The following ENOX1 variants were observed in gnomAD, a reference collection of about 807,000 sequenced individuals.
ENOX1 encodes the protein candidate growth-related and time keeping constitutive hydroquinone (NADH) oxidase.
ENOX1 carries 42 observed loss-of-function variants against 82.5 expected under a neutral mutation model. That is an observed-to-expected ratio of 0.51 (90% CI 0.40 to 0.66). The LOEUF is 0.66. Ranked by LOEUF, ENOX1 falls within the 30% of genes least tolerant of loss-of-function variation. The pLI is 0.00. For missense variants in ENOX1, 608 were observed against 811.6 expected, an observed-to-expected ratio of 0.75 and a Z score of 3.05; for synonymous variants, 271 against 282.2, an observed-to-expected ratio of 0.96 and a Z score of 0.40.
intron 2 of ENOX1, among the ~76,000 whole-genome samples, chr13:43,556,723 T>C (rs1306401319): frequency 2.8e-5 from 4 of 142,864 alleles, no homozygotes; most frequent in Non-Finnish European, 6.0e-5. Flanking sequence ...GGTTCTATTC[T>C]CAAAAAAAAA....
chr13:43,245,555 C>T (rs1257089648), intron 14 of ENOX1, among the ~76,000 whole-genome samples: 2 of 152,128 alleles, frequency 1.3e-5, no homozygotes, highest in Non-Finnish European at 2.9e-5. Context: ...ATGCATCCAT[C>T]CCCCAATAGT....
At chr13:43,226,768 T>C (rs2042044586) in intron 15 of ENOX1, among the ~76,000 whole-genome samples, 2 of 152,046 alleles carry the variant, frequency 1.3e-5, no homozygotes, top group Admixed American at 1.3e-4. Context: ...TTTCTCCTCC[T>C]CCCCTGCAGG....
At chr13:43,720,452 GC>G (rs2088491652) in intron 1 of ENOX1, among the ~76,000 whole-genome samples, 1 of 152,138 alleles carries the variant, frequency 6.6e-6, no homozygotes, top group Admixed American at 6.5e-5. Flanking sequence ...AGGTGCCCAA[GC>G]CCTTTGAGCT....
intron 1 of ENOX1, among the ~76,000 whole-genome samples, chr13:43,746,915 T>C (rs1169098765): frequency 6.6e-6 from 1 of 152,156 alleles, no homozygotes; most frequent in Non-Finnish European, 1.5e-5. Flanking sequence ...TGTCTCCTCT[T>C]AACCAGTTCA....
chr13:43,754,274 CAT>C (rs1459314775), intron 1 of ENOX1, among the ~76,000 whole-genome samples: 10 of 145,792 alleles, frequency 6.9e-5, no homozygotes, highest in Middle Eastern at 3.6e-3. Flanking sequence ...TACACACACA[CAT>C]ATATACATAT....
In ENOX1 at chr13:43,418,762, C is replaced by T. The variant is rs143588112; in HGVS notation, c.-74-5774G>A. On this transcript the variant is annotated intron_variant, in intron 3 of 16. Transcript: ENST00000690772. ...AGCTTTGTTTGGCCTTAACAGATAT[C>T]TAACTTGTTTCCTGTTAAGATATAT... is the stretch of plus-strand genomic sequence containing the variant. 4.0e-3 allele frequency among the ~76,000 whole-genome samples: 610 copies of T among 152,282 alleles called. 5 individuals carry two copies. The highest frequency in any genetic ancestry group is 0.014 in the African/African-American group (569 of 41,568).
At chr13:43,445,267 G>C (rs1292080565) in intron 3 of ENOX1, among the ~76,000 whole-genome samples, 1 of 151,828 alleles carries the variant, frequency 6.6e-6, no homozygotes, top group Admixed American at 6.6e-5. Flanking sequence ...GGGACTACAG[G>C]CACCCACCAC....
At position 43,667,479 on chromosome 13, in the gene ENOX1, C is replaced by G; in HGVS notation, c.-219G>C. ...TGTGGTGCACATACCATCCCTTTAC[C>G]TGAGCATGGTGAGCTCTCTCTCCTC... On this transcript the variant is annotated splice_region_variant and 5_prime_UTR_variant, in exon 2 of 17. Coordinates refer to ENST00000690772, the MANE Select transcript of ENOX1 (RefSeq NM_001347969.2). 2 of 985,530 alleles carry G rather than the reference C, an allele frequency of 2.0e-6. No homozygotes were observed. The highest frequency in any genetic ancestry group is 2.4e-6 in the Non-Finnish European group (2 of 829,928). The allele number at this position is 985,530 out of a possible 1,614,324, so 61.0% of individuals were successfully genotyped here.
intron 1 of ENOX1, among the ~76,000 whole-genome samples, chr13:43,732,687 T>C (rs1232281787): frequency 2.6e-5 from 4 of 152,172 alleles, no homozygotes; most frequent in African/African-American, 9.7e-5. Flanking sequence ...TGCTCCAAGG[T>C]TTTCTTAAAT....
At chr13:43,439,291 G>T (rs2056225653) in intron 3 of ENOX1, among the ~76,000 whole-genome samples, 1 of 151,132 alleles carries the variant, frequency 6.6e-6, no homozygotes, top group South Asian at 2.1e-4. Flanking sequence ...GGAGTGCAAT[G>T]GTGAGATCTT....
intron 5 of ENOX1, among the ~76,000 whole-genome samples, chr13:43,403,101 T>A (rs915283732): frequency 2.6e-5 from 4 of 152,144 alleles, no homozygotes; most frequent in African/African-American, 4.8e-5. Context: ...TAAAAATATT[T>A]CTCTAGTTTT....
At chr13:43,588,158 T>C (rs9594977) in intron 2 of ENOX1, among the ~76,000 whole-genome samples, 80,387 of 152,052 alleles carry the variant, frequency 0.53, 21,256 homozygotes, top group Non-Finnish European at 0.55. Context: ...TTAACATATA[T>C]AGTTAATTTC....
At chr13:43,412,416 C>T (rs542398470) in intron 4 of ENOX1, among the ~76,000 whole-genome samples, 1 of 152,282 alleles carries the variant, frequency 6.6e-6, no homozygotes, top group South Asian at 2.1e-4. Context: ...AATTGGCTTA[C>T]TGTTTCTAGG....
chr13:43,653,763 CTCT>C (rs34403392), intron 2 of ENOX1, among the ~76,000 whole-genome samples: 81,539 of 151,632 alleles, frequency 0.54, 22,004 homozygotes, highest in Middle Eastern at 0.65. Context: ...CCCATACCTA[CTCT>C]TCTTAGCAAG....
intron 12 of ENOX1, among the ~76,000 whole-genome samples, chr13:43,284,382 CAAATGACTCAGT>C (rs924476173): frequency 6.6e-6 from 1 of 152,168 alleles, no homozygotes; most frequent in African/African-American, 2.4e-5. Context: ...ACTGACTCAG[CAAATGACTCAGT>C]ATAAAATGTA....
chr13:43,552,603 T>C (rs139232313), intron 2 of ENOX1, among the ~76,000 whole-genome samples: 1 of 152,254 alleles, frequency 6.6e-6, no homozygotes, highest in East Asian at 1.9e-4. Context: ...CCCCTCTCAT[T>C]TGTTCTGAAA....
At chr13:43,428,806 A>C (rs1311629193) in intron 3 of ENOX1, among the ~76,000 whole-genome samples, 1 of 152,128 alleles carries the variant, frequency 6.6e-6, no homozygotes, top group Non-Finnish European at 1.5e-5. Flanking sequence ...GGTGGGGGGT[A>C]CTGTGGAGGT....
At chr13:43,398,885 T>C (rs556669616) in intron 5 of ENOX1, among the ~76,000 whole-genome samples, 3 of 150,862 alleles carry the variant, frequency 2.0e-5, no homozygotes, top group Admixed American at 2.0e-4. Context: ...AGCCTCAATC[T>C]CCCAGGCTCA....
chr13:43,269,917 C>T (rs1030112700), intron 12 of ENOX1, among the ~76,000 whole-genome samples: 2 of 152,152 alleles, frequency 1.3e-5, no homozygotes, highest in African/African-American at 4.8e-5. Context: ...GTCAACTTGT[C>T]CAACGTTGCT....
Sources: allele counts gnomAD v4.1 joint callset (sites outside exome capture counted in the v4.1 genomes callset), GRCh38; gene constraint gnomAD v4.1.1; transcripts MANE v1.5; gene names NCBI Gene and HGNC (gene_info 2026-07-23, HGNC 2026-07-21).